The following SPATA17 variants were observed in gnomAD, a reference collection of about 807,000 sequenced individuals.
SPATA17 encodes spermatogenesis-associated protein 17.
A neutral mutation model predicts 62.2 loss-of-function variants in SPATA17; 53 were observed. The ratio of observed to expected loss-of-function variants is 0.85; its 90% CI spans 0.68 to 1.07. The LOEUF is 1.07. Ranked by LOEUF, SPATA17 falls within the 50% of genes least tolerant of loss-of-function variation. The pLI, the probability that SPATA17 is intolerant of heterozygous loss-of-function variation, is 0.00. For missense variants in SPATA17, 466 were observed against 425.5 expected (o/e 1.10, Z -0.84); for synonymous variants, 146 against 146.8 (o/e 0.99, Z 0.04).
chr1:217,639,302 A>G (rs1670004815), intron 1 of SPATA17, among the ~76,000 whole-genome samples: 1 of 152,170 alleles, frequency 6.6e-6, no homozygotes, highest in East Asian at 1.9e-4. Flanking sequence ...ATTACTAATG[A>G]TTCAAGACCA....
At chr1:217,636,901 A>T (rs1040402956) in intron 1 of SPATA17, among the ~76,000 whole-genome samples, 1 of 152,206 alleles carries the variant, frequency 6.6e-6, no homozygotes, top group South Asian at 2.1e-4. Flanking sequence ...TTTAAAACAC[A>T]TAAGTTTTTT....
Position 217,858,472 on chromosome 1 carries a change from A to T in SPATA17, c.1006-4302A>T, listed in dbSNP as rs1484820543. ...AGATTACAAAACAGAATGAGTTAGCAAGTGTTTCCTGTGCTTCTATTTTCT... is the reference window on the plus strand; with the variant it reads ...AGATTACAAAACAGAATGAGTTAGCTAGTGTTTCCTGTGCTTCTATTTTCT... On this transcript the variant is annotated intron_variant, in intron 9 of 10. Coordinates refer to ENST00000366933, the MANE Select transcript of SPATA17 (RefSeq NM_138796.4). Among the ~76,000 whole-genome samples, 8 of 152,360 alleles carry T rather than the reference A, an allele frequency of 5.3e-5. No individual in the cohort carries two copies. The South Asian group carries it at 1.7e-3, about 32-fold the overall frequency.
At chr1:217,774,920 A>T (rs775836025) in intron 7 of SPATA17, among the ~76,000 whole-genome samples, 45 of 152,220 alleles carry the variant, frequency 3.0e-4, no homozygotes, top group Non-Finnish European at 6.2e-4. Context: ...TTGAGTTGCG[A>T]CCACACTTTA....
In SPATA17 at chr1:217,855,733, T is replaced by TTTA. The variant is rs758677229; in HGVS notation, c.1006-7039_1006-7038insATT. On this transcript the variant is annotated intron_variant, in intron 9 of 10. Coordinates refer to ENST00000366933, the MANE Select transcript of SPATA17 (RefSeq NM_138796.4). ...AAGAGAAAGACAGAAGGAACTATTT[T>TTTA]TTTTTTTTTTTTGAGATGGAGTCTC... Among the ~76,000 whole-genome samples, 356 of 147,532 alleles carry TTTA rather than the reference T, an allele frequency of 2.4e-3. 3 individuals carry two copies. The highest frequency in any genetic ancestry group is 4.7e-3 in the Non-Finnish European group (314 of 66,448).
chr1:217,771,019 G>C, intron 6 of SPATA17, among the ~76,000 whole-genome samples: 1 of 39,976 alleles, frequency 2.5e-5, no homozygotes, highest in African/African-American at 8.6e-5. Flanking sequence ...GCCTTTTGAC[G>C]AGTCAGAATC....
At chr1:217,839,840 A>G (rs1675350780) in intron 9 of SPATA17, among the ~76,000 whole-genome samples, 1 of 152,028 alleles carries the variant, frequency 6.6e-6, no homozygotes, top group South Asian at 2.1e-4. Context: ...CAATAGTGAT[A>G]CCTCCCATTT....
chr1:217,634,827 A>T (rs541805802), intron 1 of SPATA17, among the ~76,000 whole-genome samples: 1 of 152,318 alleles, frequency 6.6e-6, no homozygotes, highest in African/African-American at 2.4e-5. Flanking sequence ...GTTAGGTCAG[A>T]TCTCTTTCAC....
chr1:217,862,350 A>G (rs1300808470), intron 9 of SPATA17, among the ~76,000 whole-genome samples: 1 of 152,206 alleles, frequency 6.6e-6, no homozygotes, highest in Admixed American at 6.5e-5. Flanking sequence ...CTGAGGTAAT[A>G]AAAATAGTCT....
intron 7 of SPATA17, among the ~76,000 whole-genome samples, chr1:217,779,571 C>G (rs1165137613): frequency 6.6e-6 from 1 of 151,870 alleles, no homozygotes; most frequent in African/African-American, 2.4e-5. Context: ...ACCTTCTCCT[C>G]TCTTTACTTC....
chr1:217,746,329 A>T (rs1305930418), intron 6 of SPATA17, among the ~76,000 whole-genome samples: 1 of 151,928 alleles, frequency 6.6e-6, no homozygotes, highest in Non-Finnish European at 1.5e-5. Context: ...GATTTTTAGC[A>T]AAGAGAGGGA....
chr1:217,681,462 C>T (rs1449878488), intron 4 of SPATA17, among the ~76,000 whole-genome samples: 2 of 151,896 alleles, frequency 1.3e-5, no homozygotes, highest in Non-Finnish European at 2.9e-5. Context: ...CAACCTCTGC[C>T]TCCCCGGTTC....
chr1:217,639,240 A>G (rs558227860), intron 1 of SPATA17, among the ~76,000 whole-genome samples: 3 of 152,164 alleles, frequency 2.0e-5, no homozygotes, highest in African/African-American at 7.2e-5. Context: ...TTGCCAAGGA[A>G]ATGAATGCCC....
At position 217,868,318 on chromosome 1, in the gene SPATA17, A is replaced by G. The variant is rs1444671350; in HGVS notation, c.*1299A>G. On this transcript the variant is annotated 3_prime_UTR_variant, in exon 11 of 11. Transcript: ENST00000366933. ...ATTTAATTTGAAAGTCAAAGAAGTG[A>G]GTTAAAATACATATACTCCTCCTCT... The G allele has an allele frequency of 6.6e-6, 1 of 152,188 alleles. No homozygotes were observed. Among genetic ancestry groups the G allele is most frequent in the Non-Finnish European group, 1.5e-5 (1 of 68,030 alleles). 9.4% of individuals were successfully genotyped at this position (152,188 alleles called of 1,614,324 possible).
chr1:217,675,208 A>C (rs1419732359), intron 4 of SPATA17, among the ~76,000 whole-genome samples: 1 of 152,204 alleles, frequency 6.6e-6, no homozygotes, highest in African/African-American at 2.4e-5. Flanking sequence ...GAGTGAGATT[A>C]CAGTGTGTCA....
At chr1:217,632,520 C>T (rs1451531264) in intron 1 of SPATA17, among the ~76,000 whole-genome samples, 1 of 152,186 alleles carries the variant, frequency 6.6e-6, no homozygotes, top group Non-Finnish European at 1.5e-5. Flanking sequence ...CCTACTACAT[C>T]ATTATTTCAC....
At chr1:217,724,195 T>C (rs1672203864) in intron 5 of SPATA17, among the ~76,000 whole-genome samples, 1 of 152,250 alleles carries the variant, frequency 6.6e-6, no homozygotes, top group African/African-American at 2.4e-5. Context: ...TAATGGACAT[T>C]TAATATATCA....
chr1:217,705,428 G>GTTT (rs1558573363), intron 5 of SPATA17, among the ~76,000 whole-genome samples: 18 of 59,608 alleles, frequency 3.0e-4, no homozygotes, highest in Non-Finnish European at 4.7e-4. Context: ...GATTCTAGTT[G>GTTT]TCTTTTTTTT....
chr1:217,762,273 C>G (rs1673188471), intron 6 of SPATA17, among the ~76,000 whole-genome samples: 1 of 152,156 alleles, frequency 6.6e-6, no homozygotes, highest in Non-Finnish European at 1.5e-5. Flanking sequence ...TTTTAAGTTT[C>G]AGACCCACTC....
intron 5 of SPATA17, among the ~76,000 whole-genome samples, chr1:217,684,567 AC>A (rs1671172485): frequency 6.6e-6 from 1 of 152,002 alleles, no homozygotes; most frequent in African/African-American, 2.4e-5. Context: ...GTTGCATGCC[AC>A]CACGCCCAGC....
Sources: gnomAD v4.1 joint callset for allele counts (sites outside exome capture counted in the v4.1 genomes callset) on GRCh38, gnomAD v4.1.1 for gene constraint, MANE v1.5 for transcripts, NCBI Gene and HGNC (gene_info 2026-07-23, HGNC 2026-07-21) for gene names.